The following PEX14 variants were observed in gnomAD, a reference collection of about 807,000 sequenced individuals.
PEX14 encodes peroxisomal membrane protein PEX14.
In PEX14, 15 loss-of-function variants were observed where a neutral mutation model predicts 49.5. The ratio of observed to expected loss-of-function variants is 0.30; its 90% confidence interval spans 0.20 to 0.47. The LOEUF (loss-of-function observed/expected upper bound fraction) is 0.47. Among genes scored for constraint, PEX14 ranks in the 20% least tolerant of loss-of-function variants. PEX14 has a pLI of 1.00. For missense variants in PEX14, 398 were observed against 494.8 expected (o/e 0.80, Z 1.86); for synonymous variants, 210 against 212.7 (o/e 0.99, Z 0.11).
At chr1:10,480,909 C>T (rs867620362) in intron 1 of PEX14, among the ~76,000 whole-genome samples, 6 of 149,854 alleles carry the variant, frequency 4.0e-5, no homozygotes, top group African/African-American at 7.3e-5. Flanking sequence ...TTACAGACAT[C>T]AAGGATATTT....
rs74051821 is a variant in PEX14 at position 10,494,068 on chromosome 1, C to T, written c.37-1206C>T. 0.015 allele frequency among the ~76,000 whole-genome samples: 2,238 copies of T among 152,304 alleles called. 61 individuals carry two copies. Among genetic ancestry groups the T allele is most frequent in the African/African-American group, 0.05 (2,088 of 41,558 alleles). On this transcript the variant is annotated intron_variant, in intron 1 of 8. Transcript: ENST00000356607. This position sits in a 1 kb window ranked among gnomAD's most constrained non-coding sequence, Gnocchi z 4.3. ...TTGCTCACATTCCCTGAGACGGACCCTCACTTTCTAGATCGTTTCCTGCTG... is the reference window on the plus strand; with the variant it reads ...TTGCTCACATTCCCTGAGACGGACCTTCACTTTCTAGATCGTTTCCTGCTG...
At chr1:10,565,488 T>C (rs575383427) in intron 3 of PEX14, among the ~76,000 whole-genome samples, 1 of 152,226 alleles carries the variant, frequency 6.6e-6, no homozygotes, top group Non-Finnish European at 1.5e-5. Flanking sequence ...AATTTTTGTT[T>C]ACTGCTGTTG....
At position 10,478,749 on chromosome 1, in the gene PEX14, A is replaced by AT. The variant is rs773890718; in HGVS notation, c.36+3761dup. On this transcript the variant is annotated intron_variant, in intron 1 of 8. Coordinates refer to ENST00000356607, the MANE Select transcript of PEX14 (RefSeq NM_004565.3). ...GTGCACCACCATGCCTGGCTAATGTATTTTTTTTTTTTTTGAGACAGAGTC... is the reference window on the plus strand; with the variant it reads ...GTGCACCACCATGCCTGGCTAATGTATTTTTTTTTTTTTTTGAGACAGAGTC... 1.8e-3 allele frequency among the ~76,000 whole-genome samples: 261 copies of AT among 141,330 alleles called. 1 individual carries two copies. Among genetic ancestry groups the AT allele is most frequent in the Middle Eastern group, 3.8e-3 (1 of 266 alleles). The allele number at this position is 141,330 out of a possible 152,430, so 92.7% of individuals were successfully genotyped here.
chr1:10,534,661 T>C (rs1314522216), intron 2 of PEX14, among the ~76,000 whole-genome samples: 1 of 152,176 alleles, frequency 6.6e-6, no homozygotes, highest in African/African-American at 2.4e-5. Context: ...CTGTGGTTCA[T>C]GACGGTGGTT....
chr1:10,480,534 C>T (rs1320202686), intron 1 of PEX14, among the ~76,000 whole-genome samples: 1 of 151,726 alleles, frequency 6.6e-6, no homozygotes, highest in East Asian at 1.9e-4. Flanking sequence ...GCTGGGACTA[C>T]AGGTGCCCGC....
intron 3 of PEX14, among the ~76,000 whole-genome samples, chr1:10,551,207 A>G (rs778998742): frequency 6.6e-6 from 1 of 152,188 alleles, no homozygotes; most frequent in African/African-American, 2.4e-5. Flanking sequence ...TAAATTGCTG[A>G]CCTTCTGCAG....
At position 10,629,603 on chromosome 1, in the gene PEX14, C is replaced by A; in HGVS notation, c.750C>A (p.Pro250=). 6.2e-7 allele frequency: 1 copy of A among 1,614,078 alleles called. No individual in the cohort carries two copies. The highest frequency in any genetic ancestry group is 8.5e-7 in the Non-Finnish European group (1 of 1,180,012). Residue 250 remains proline, a synonymous_variant, in exon 9 of 9, where the codon CCC becomes CCA. Coordinates refer to ENST00000356607, the MANE Select transcript of PEX14 (RefSeq NM_004565.3). The surrounding 1 kb of genome is among the most constrained non-coding windows in gnomAD (Gnocchi z 8.5). ...SWQIPVKSPS[P]SSPAAVNHHS... Reference sequence around the variant, plus strand: ...AGATCCCAGTCAAGTCACCGTCACCCTCCAGCCCTGCGGCCGTGAACCACC... The same window carrying A: ...AGATCCCAGTCAAGTCACCGTCACCATCCAGCCCTGCGGCCGTGAACCACC...
chr1:10,521,162 T>A (rs969007338), intron 2 of PEX14, among the ~76,000 whole-genome samples: 6 of 152,082 alleles, frequency 3.9e-5, no homozygotes, highest in African/African-American at 1.4e-4. Context: ...TATTTCTTGC[T>A]GTTTTCTATT....
At chr1:10,610,990 G>C (rs1641264131) in intron 4 of PEX14, among the ~76,000 whole-genome samples, 1 of 152,044 alleles carries the variant, frequency 6.6e-6, no homozygotes, top group Admixed American at 6.5e-5. Context: ...GCTCACGCCT[G>C]TAATCCCAGC....
intron 3 of PEX14, among the ~76,000 whole-genome samples, chr1:10,568,741 T>C (rs1639886381): frequency 6.6e-6 from 1 of 152,126 alleles, no homozygotes; most frequent in Non-Finnish European, 1.5e-5. Flanking sequence ...TTTTTTGTTT[T>C]GTTTTGTTTT....
At chr1:10,500,373 C>CAAAAGAAAAAAA (rs1641652191) in intron 2 of PEX14, among the ~76,000 whole-genome samples, 1 of 43,682 alleles carries the variant, frequency 2.3e-5, no homozygotes, top group Non-Finnish European at 4.0e-5. Flanking sequence ...GATTCTGTCT[C>CAAAAGAAAAAAA]AAAAAAAAAA....
At chr1:10,591,849 C>A (rs1570318901) in intron 3 of PEX14, among the ~76,000 whole-genome samples, 1 of 152,162 alleles carries the variant, frequency 6.6e-6, no homozygotes, top group African/African-American at 2.4e-5. Flanking sequence ...GCCCCCTGCC[C>A]CTGCCCAGCA....
In PEX14 at chr1:10,618,332, G is replaced by C. The variant is rs1342454274; in HGVS notation, c.299G>C (p.Ser100Thr). Reference protein sequence around the residue: ...QPPHLISQPYSPAGSRWRDYG... With the variant: ...QPPHLISQPYTPAGSRWRDYG... Reference sequence around the variant, plus strand: ...ACCCTCCTCCTCTTCCCGCCTGTAGGTCCCGCAGGCTCCCGATGGCGAGAT... The same window carrying C: ...ACCCTCCTCCTCTTCCCGCCTGTAGCTCCCGCAGGCTCCCGATGGCGAGAT... Residue 100 changes from serine (S) to threonine (T), a missense_variant and splice_region_variant, in exon 5 of 9, where the codon AGT becomes ACT. This residue lies in a region of PEX14 where 202 missense variants were observed against 298.5 expected (regional missense o/e 0.68). Coordinates refer to ENST00000356607, the MANE Select transcript of PEX14 (RefSeq NM_004565.3). 6.2e-7 allele frequency: 1 copy of C among 1,613,742 alleles called. No homozygotes were observed. Among genetic ancestry groups the C allele is most frequent in the East Asian group, 2.2e-5 (1 of 44,886 alleles).
chr1:10,556,647 C>A (rs1449456900), intron 3 of PEX14, among the ~76,000 whole-genome samples: 7 of 152,134 alleles, frequency 4.6e-5, no homozygotes, highest in Admixed American at 4.6e-4. Context: ...GCTGTTTCTT[C>A]TACGGCTTCA....
intron 2 of PEX14, among the ~76,000 whole-genome samples, chr1:10,511,586 C>T (rs1029947513): frequency 6.6e-6 from 1 of 152,192 alleles, no homozygotes; most frequent in Non-Finnish European, 1.5e-5. Context: ...CCCCTGACAT[C>T]TGTGGACTAT....
chr1:10,507,316 C>T (rs929032931), intron 2 of PEX14, among the ~76,000 whole-genome samples: 8 of 152,256 alleles, frequency 5.3e-5, no homozygotes, highest in Admixed American at 1.3e-4. Flanking sequence ...AGCGTGCGTG[C>T]GGGGCGCCCG....
At chr1:10,560,937 C>T (rs1164484691) in intron 3 of PEX14, among the ~76,000 whole-genome samples, 1 of 151,890 alleles carries the variant, frequency 6.6e-6, no homozygotes, top group African/African-American at 2.4e-5. Context: ...AGGCTGGTCT[C>T]GAACTCCTGA....
intron 3 of PEX14, among the ~76,000 whole-genome samples, chr1:10,543,259 C>T (rs535245974): frequency 5.1e-4 from 78 of 152,280 alleles, no homozygotes; most frequent in African/African-American, 1.8e-3. Flanking sequence ...CTCAGCCTCC[C>T]GAGTAACTGG....
At chr1:10,541,589 G>A (rs563443019) in intron 3 of PEX14, among the ~76,000 whole-genome samples, 24 of 152,332 alleles carry the variant, frequency 1.6e-4, no homozygotes, top group East Asian at 1.5e-3. Context: ...GGATGATTGA[G>A]CATCTCCATC....
Sources: allele counts gnomAD v4.1 joint callset (sites outside exome capture counted in the v4.1 genomes callset), GRCh38; gene constraint gnomAD v4.1.1; regional missense constraint gnomAD v4.1.1; non-coding constraint Gnocchi (gnomAD v3.1); transcripts MANE v1.5; gene names NCBI Gene and HGNC (gene_info 2026-07-23, HGNC 2026-07-21).